Variants in FLOT1 observed in about 807,000 individuals in gnomAD.
FLOT1 encodes flotillin 1.
FLOT1 carries 40 observed loss-of-function variants against 58.4 expected under a neutral mutation model. The observed-to-expected ratio is 0.69, with a 90% confidence interval of 0.53 to 0.89. FLOT1 has a LOEUF of 0.89. Among genes scored for constraint, FLOT1 ranks in the 40% least tolerant of loss-of-function variants. The probability of loss-of-function intolerance (pLI) is 0.00; values close to 1 mark genes in which losing one functional copy is unlikely to be tolerated. For synonymous variants in FLOT1, 178 were observed against 204.2 expected (o/e 0.87, Z 1.09); for missense variants, 423 against 540.8 (o/e 0.78, Z 2.16).
rs1337193329 is a variant in FLOT1, at chr6:30,741,757, G to A, written c.119+35C>T. 5 of 1,610,696 alleles carry A rather than the reference G, an allele frequency of 3.1e-6. No individual in the cohort carries two copies. Among genetic ancestry groups the A allele is most frequent in the Middle Eastern group, 1.6e-4 (1 of 6,078 alleles). ...AAGAAGAGGAGGAAAAAGAGAAAAC[G>A]GAGGTCCCCCTTCCCTGGTTCCCTT... On this transcript the variant is annotated intron_variant, in intron 3 of 12. Transcript: ENST00000376389. This position sits in a 1 kb window ranked among gnomAD's most constrained non-coding sequence, Gnocchi z 5.9.
intron 8 of FLOT1, among the ~76,000 whole-genome samples, chr6:30,738,741 C>T (rs76617589): frequency 0.074 from 11,332 of 152,254 alleles, 689 homozygotes; most frequent in African/African-American, 0.16. Context: ...CATCATAGCC[C>T]GCTTGCACTA....
intron 12 of FLOT1, among the ~76,000 whole-genome samples, chr6:30,729,346 T>G (rs1403081153): frequency 6.6e-6 from 1 of 152,192 alleles, no homozygotes; most frequent in Admixed American, 6.5e-5. Context: ...CCCAAAGTGC[T>G]GGGATTACAG....
chr6:30,735,053 C>G (rs1400887344), intron 8 of FLOT1, among the ~76,000 whole-genome samples: 1 of 151,992 alleles, frequency 6.6e-6, no homozygotes, highest in African/African-American at 2.4e-5. Context: ...AGGCCATGTA[C>G]GGAGAAACAT....
chr6:30,737,973 C>T lies in FLOT1; in HGVS notation c.723+2185G>A, dbSNP rs543491563. 3.9e-5 allele frequency among the ~76,000 whole-genome samples: 6 copies of T among 152,194 alleles called. No homozygotes were observed. Among genetic ancestry groups the T allele is most frequent in the Non-Finnish European group, 5.9e-5 (4 of 68,038 alleles). On this transcript the variant is annotated intron_variant, in intron 8 of 12. Coordinates refer to ENST00000376389, the MANE Select transcript of FLOT1 (RefSeq NM_005803.4). The surrounding 1 kb of genome is among the most constrained non-coding windows in gnomAD (Gnocchi z 4.4). Reference sequence around the variant, plus strand: ...ACCTAGCACACTGCCTGGTGCATAACGAGAAACTGATAAAAGTTGAAAAGA... The same window carrying T: ...ACCTAGCACACTGCCTGGTGCATAATGAGAAACTGATAAAAGTTGAAAAGA...
At chr6:30,728,834 T>G (rs1276433494) in intron 12 of FLOT1, among the ~76,000 whole-genome samples, 1 of 151,480 alleles carries the variant, frequency 6.6e-6, no homozygotes. Context: ...TAGGATGGAG[T>G]GCAGTGGTGC....
intron 8 of FLOT1, 63 bp downstream of exon 8, chr6:30,740,095 C>T: frequency 2.0e-6 from 3 of 1,530,870 alleles, no homozygotes; most frequent in Admixed American, 3.5e-5. Context: ...TAGTGGTGTC[C>T]TGAGATGGAC....
At chr6:30,728,644 A>G (rs76675290) in intron 12 of FLOT1, among the ~76,000 whole-genome samples, 11,121 of 149,134 alleles carry the variant, frequency 0.075, 652 homozygotes, top group African/African-American at 0.16. Flanking sequence ...TAATTTTTGT[A>G]TTTTTGGTAG....
chr6:30,740,575 A>G lies in FLOT1; in HGVS notation c.491T>C (p.Leu164Ser). ...GACTTGAGCTGTTCGAGCCTTCCCC[A>G]AAGAGTGCAAATAGTCCTGTGGGAG... ...IHDDQDYLHS[L>S]GKARTAQVQK... Residue 164 changes from leucine to serine, a missense_variant, in exon 7 of 13, where the codon TTG becomes TCG. Coordinates refer to ENST00000376389, the MANE Select transcript of FLOT1 (RefSeq NM_005803.4). The G allele has an allele frequency of 6.2e-7, 1 of 1,612,984 alleles. No homozygotes were observed. Among genetic ancestry groups the G allele is most frequent in the Non-Finnish European group, 8.5e-7 (1 of 1,180,022 alleles).
rs776550217 is a variant in FLOT1, at chr6:30,730,581, G to C, written c.952-16C>G. Reference sequence around the variant, plus strand: ...CCCCACGCATCTGAGGGTTAAGGATGCTTGTGAGATTGACGGAAATCATTA... The same window carrying C: ...CCCCACGCATCTGAGGGTTAAGGATCCTTGTGAGATTGACGGAAATCATTA... On this transcript the variant is annotated splice_polypyrimidine_tract_variant and intron_variant, in intron 10 of 12. Coordinates refer to ENST00000376389, the MANE Select transcript of FLOT1 (RefSeq NM_005803.4). 3 of 1,613,476 alleles carry C rather than the reference G, an allele frequency of 1.9e-6. No homozygotes were observed. Among genetic ancestry groups the C allele is most frequent in the Non-Finnish European group, 2.5e-6 (3 of 1,179,500 alleles).
chr6:30,729,752 A>G (rs772039325), intron 12 of FLOT1, among the ~76,000 whole-genome samples: 15 of 152,230 alleles, frequency 9.9e-5, no homozygotes, highest in Non-Finnish European at 2.2e-4. Flanking sequence ...GAGACAGTCG[A>G]CCTGGATTTC....
chr6:30,737,196 A>C lies in FLOT1; in HGVS notation c.723+2962T>G, dbSNP rs1777623737. Reference sequence around the variant, plus strand: ...CAAGCCACGTATGACTGACTGACTGACTGACTGTCTGTCGTCCGTCCGTCC... The same window carrying C: ...CAAGCCACGTATGACTGACTGACTGCCTGACTGTCTGTCGTCCGTCCGTCC... On this transcript the variant is annotated intron_variant, in intron 8 of 12. Transcript: ENST00000376389. This position sits in a 1 kb window ranked among gnomAD's most constrained non-coding sequence, Gnocchi z 4.4. 7.5e-6 allele frequency among the ~76,000 whole-genome samples: 1 copy of C among 132,452 alleles called. No individual in the cohort carries two copies. The highest frequency in any genetic ancestry group is 1.6e-5 in the Non-Finnish European group (1 of 64,144). 86.9% of individuals were successfully genotyped at this position (132,452 alleles called of 152,430 possible).
Position 30,740,496 on chromosome 6 carries a change from C to CCGGATCCCAGCATCTCTCTTGGCCT in FLOT1, c.545_569dup (p.Glu191GlyfsTer11). ...ACTAAGCAACCCCCATCTCTCTCAC[C>CCGGATCCCAGCATCTCTCTTGGCCT]CGGATCCCAGCATCTCTCTTGGCCT... is the stretch of plus-strand genomic sequence containing the variant. On this transcript the variant is annotated frameshift_variant and splice_region_variant, in exon 7 of 13. Coordinates refer to ENST00000376389, the MANE Select transcript of FLOT1 (RefSeq NM_005803.4). LOFTEE classifies it high-confidence loss of function. 2 of 1,612,426 alleles carry CCGGATCCCAGCATCTCTCTTGGCCT rather than the reference C, an allele frequency of 1.2e-6. No homozygotes were observed. The highest frequency in any genetic ancestry group is 1.7e-6 in the Non-Finnish European group (2 of 1,179,920).
intron 8 of FLOT1, among the ~76,000 whole-genome samples, chr6:30,733,799 C>T (rs187364899): frequency 6.6e-6 from 1 of 150,962 alleles, no homozygotes; most frequent in Admixed American, 6.6e-5. Context: ...GCCTATAATC[C>T]CAGCACTTTG....
chr6:30,735,309 C>T (rs1777487849), intron 8 of FLOT1, among the ~76,000 whole-genome samples: 1 of 152,000 alleles, frequency 6.6e-6, no homozygotes, highest in African/African-American at 2.4e-5. Flanking sequence ...AGTCTACTCT[C>T]TTCAGATAAT....
At position 30,741,932 on chromosome 6, in the gene FLOT1, G is replaced by A. The variant is rs1778020059; in HGVS notation, c.44-65C>T. 2.7e-6 allele frequency: 4 copies of A among 1,460,534 alleles called. No homozygotes were observed. Among genetic ancestry groups the A allele is most frequent in the Admixed American group, 1.7e-5 (1 of 59,086 alleles). The allele number at this position is 1,460,534 out of a possible 1,614,324, so 90.5% of individuals were successfully genotyped here. On this transcript the variant is annotated intron_variant, in intron 2 of 12. Transcript: ENST00000376389. This position sits in a 1 kb window ranked among gnomAD's most constrained non-coding sequence, Gnocchi z 5.9. ...GAATGTGGAAGACTGAGGAACTGGCGGGGGTGAGGGGACAGCAACCCACAG... is the reference window on the plus strand; with the variant it reads ...GAATGTGGAAGACTGAGGAACTGGCAGGGGTGAGGGGACAGCAACCCACAG...
At chr6:30,731,398 T>C (rs769345054) in intron 8 of FLOT1, among the ~76,000 whole-genome samples, 10 of 150,952 alleles carry the variant, frequency 6.6e-5, no homozygotes, top group South Asian at 2.1e-4. Context: ...GGCAGGAGAA[T>C]TGCTTGAACC....
chr6:30,740,446 T>C, intron 7 of FLOT1, 50 bp downstream of exon 7: 1 of 1,590,338 alleles, frequency 6.3e-7, no homozygotes, highest in Non-Finnish European at 8.6e-7. Context: ...TTCTTCTCAG[T>C]TGTGCCACTT....
In FLOT1 at chr6:30,741,107, C is replaced by T; in HGVS notation, c.354+83G>A. 6.6e-7 allele frequency: 1 copy of T among 1,507,054 alleles called. No individual in the cohort carries two copies. The highest frequency in any genetic ancestry group is 1.1e-5 in the South Asian group (1 of 88,178). The allele number at this position is 1,507,054 out of a possible 1,614,324, so 93.4% of individuals were successfully genotyped here. A position where few individuals can be genotyped will look rare whatever the true frequency, so the allele number is the denominator to read the frequency against. On this transcript the variant is annotated intron_variant, in intron 5 of 12. Transcript: ENST00000376389. The surrounding 1 kb of genome is among the most constrained non-coding windows in gnomAD (Gnocchi z 5.9). ...CGGCCGGGATGTATGCTCTTGGATC[C>T]ACTGTCTCTCACAGACTAGTGTGGG... is the stretch of plus-strand genomic sequence containing the variant.
intron 5 of FLOT1, 181 bp from the exon 6 acceptor site, chr6:30,740,979 G>GT: frequency 9.2e-7 from 1 of 1,092,442 alleles, no homozygotes; most frequent in Non-Finnish European, 1.3e-6. Flanking sequence ...TAGAGAAGGG[G>GT]TTTCACCAGG....
Sources: gnomAD v4.1 joint callset for allele counts (sites outside exome capture counted in the v4.1 genomes callset) on GRCh38, gnomAD v4.1.1 for gene constraint, Gnocchi (gnomAD v3.1) non-coding constraint, MANE v1.5 for transcripts, NCBI Gene and HGNC (gene_info 2026-07-23, HGNC 2026-07-21) for gene names.